ARHGEF10L: variants seen among roughly 807,000 people sequenced by gnomAD.
ARHGEF10L encodes Rho guanine nucleotide exchange factor 10 like.
In ARHGEF10L, 69 loss-of-function variants were observed where a neutral mutation model predicts 141.2. The ratio of observed to expected loss-of-function variants is 0.49; its 90% CI spans 0.40 to 0.60. The LOEUF (loss-of-function observed/expected upper bound fraction) is 0.60. Among genes scored for constraint, ARHGEF10L ranks in the 20% least tolerant of loss-of-function variants. The pLI is 0.00. For synonymous variants in ARHGEF10L, 711 were observed against 718.5 expected, an observed-to-expected ratio of 0.99 and a Z score of 0.17; for missense variants, 1,482 against 1,734.3, an observed-to-expected ratio of 0.85 and a Z score of 2.58.
At chr1:17,655,749 G>T in intron 23 of ARHGEF10L, 130 bp from the exon 24 acceptor site, 2 of 799,254 alleles carry the variant, frequency 2.5e-6, no homozygotes, top group Non-Finnish European at 2.0e-6. Context: ...TGTGAAGGCA[G>T]GATGTGTGTG....
At chr1:17,523,167 C>T in the ARHGEF10L span, among the ~76,000 whole-genome samples, 8 of 146,378 alleles carry the variant, frequency 5.5e-5, no homozygotes, top group South Asian at 1.5e-3. Context: ...CTCACTGCAA[C>T]GTCCACCTCC....
intron 1 of ARHGEF10L, among the ~76,000 whole-genome samples, chr1:17,560,333 C>A (rs1309817635): frequency 1.3e-5 from 2 of 152,182 alleles, no homozygotes; most frequent in Non-Finnish European, 2.9e-5. Context: ...ACACTTTCCC[C>A]ACCTGGATCT....
chr1:17,655,035 T>A (rs1396361684), intron 23 of ARHGEF10L, among the ~76,000 whole-genome samples: 1 of 151,922 alleles, frequency 6.6e-6, no homozygotes, highest in Non-Finnish European at 1.5e-5. Context: ...ACCCCTGGAG[T>A]CAGGAGGCAG....
intron 16 of ARHGEF10L, 55 bp downstream of exon 16, chr1:17,632,521 G>T (rs1034737899): frequency 1.2e-6 from 2 of 1,608,592 alleles, no homozygotes; most frequent in Non-Finnish European, 8.5e-7. Flanking sequence ...ACCCCATCCC[G>T]CCCTACTCCA....
intron 4 of ARHGEF10L, among the ~76,000 whole-genome samples, chr1:17,600,296 C>T (rs949717277): frequency 2.0e-5 from 3 of 152,170 alleles, no homozygotes; most frequent in African/African-American, 7.2e-5. Context: ...GCTACAGGCT[C>T]GGGTGCCAGG....
Position 17,558,176 on chromosome 1 carries a change from T to TCCATCCAC in ARHGEF10L, c.-44+18233_-44+18234insCCCATCCA, listed in dbSNP as rs1482384322. On this transcript the variant is annotated intron_variant, in intron 1 of 28. Transcript: ENST00000361221. The surrounding 1 kb of genome is among the most constrained non-coding windows in gnomAD (Gnocchi z 4.2). Reference sequence around the variant, plus strand: ...ATCCATCCATCCATCTATGCATCCATCCATCCATCCACCCATCCATCCATC... The same window carrying TCCATCCAC: ...ATCCATCCATCCATCTATGCATCCATCCATCCACCCATCCATCCACCCATCCATCCATC... Among the ~76,000 whole-genome samples the TCCATCCAC allele has an allele frequency of 2.0e-5, 3 of 151,892 alleles. No homozygotes were observed. The highest frequency in any genetic ancestry group is 6.6e-5 in the Admixed American group (1 of 15,232).
At position 17,554,163 on chromosome 1, in the gene ARHGEF10L, G is replaced by T. The variant is rs1281173821; in HGVS notation, c.-44+14213G>T. ...GGCCCTAGATGCAAAAATCCACCCA[G>T]TTCATCCGCCCTTGAGAAATGATGT... On this transcript the variant is annotated intron_variant, in intron 1 of 28. Coordinates refer to ENST00000361221, the MANE Select transcript of ARHGEF10L (RefSeq NM_018125.4). Among the ~76,000 whole-genome samples, 4 of 152,280 alleles carry T rather than the reference G, an allele frequency of 2.6e-5. 1 individual carries two copies. Among genetic ancestry groups the T allele is most frequent in the African/African-American group, 9.6e-5 (4 of 41,552 alleles).
intron 16 of ARHGEF10L, 59 bp downstream of exon 16, chr1:17,632,525 T>C: frequency 1.9e-6 from 3 of 1,606,472 alleles, no homozygotes; most frequent in Non-Finnish European, 2.6e-6. Context: ...CATCCCGCCC[T>C]ACTCCAGTCT....
chr1:17,672,033 G>C (rs958082684), intron 26 of ARHGEF10L, among the ~76,000 whole-genome samples: 18 of 152,130 alleles, frequency 1.2e-4, no homozygotes, highest in African/African-American at 4.3e-4. Context: ...TTCCTGAAGC[G>C]CGTGCGGTCA....
intron 1 of ARHGEF10L, among the ~76,000 whole-genome samples, chr1:17,541,792 A>AC (rs1557684166): frequency 6.6e-6 from 1 of 151,418 alleles, no homozygotes; most frequent in Non-Finnish European, 1.5e-5. Flanking sequence ...ACATGGTGAA[A>AC]CCCCATCTCT....
the ARHGEF10L span, among the ~76,000 whole-genome samples, chr1:17,531,722 A>G: frequency 6.6e-6 from 1 of 152,216 alleles, no homozygotes; most frequent in South Asian, 2.1e-4. Flanking sequence ...CTGGTCCAAA[A>G]AGCCAGTCTA....
chr1:17,513,568 A>G, the ARHGEF10L span, among the ~76,000 whole-genome samples: 1 of 152,340 alleles, frequency 6.6e-6, no homozygotes, highest in Non-Finnish European at 1.5e-5. Flanking sequence ...AAGTGGAAAC[A>G]AAATGCAGGT....
chr1:17,554,339 A>T (rs1476517792), intron 1 of ARHGEF10L, among the ~76,000 whole-genome samples: 3 of 152,080 alleles, frequency 2.0e-5, no homozygotes, highest in Non-Finnish European at 4.4e-5. Context: ...ATTTACAGAG[A>T]AGGGGACTTG....
chr1:17,685,739 C>T (rs1348627748), intron 26 of ARHGEF10L, among the ~76,000 whole-genome samples: 1 of 152,242 alleles, frequency 6.6e-6, no homozygotes, highest in Admixed American at 6.5e-5. Context: ...CCCTACTAGG[C>T]ACTGGGCCTG....
intron 21 of ARHGEF10L, among the ~76,000 whole-genome samples, chr1:17,647,965 G>A (rs1316522695): frequency 6.6e-6 from 1 of 152,128 alleles, no homozygotes; most frequent in Non-Finnish European, 1.5e-5. Context: ...GGCCCAGCTA[G>A]GGTGGGTGAA....
intron 15 of ARHGEF10L, among the ~76,000 whole-genome samples, chr1:17,628,829 A>G (rs1331163809): frequency 6.6e-6 from 1 of 152,128 alleles, no homozygotes; most frequent in Non-Finnish European, 1.5e-5. Flanking sequence ...ACTTTACAGT[A>G]TAGAATGCTG....
chr1:17,611,327 A>G (rs984707011), intron 7 of ARHGEF10L, among the ~76,000 whole-genome samples: 2 of 152,238 alleles, frequency 1.3e-5, no homozygotes, highest in Non-Finnish European at 2.9e-5. Flanking sequence ...CCTGTCCTGC[A>G]TGCATACTTC....
intron 9 of ARHGEF10L, chr1:17,618,556 C>T (rs2059935861): frequency 1.5e-6 from 2 of 1,324,484 alleles, no homozygotes; most frequent in Non-Finnish European, 2.0e-6. Flanking sequence ...TACCCCCTCC[C>T]ACCCTTGGGG....
intron 7 of ARHGEF10L, 106 bp downstream of exon 7, chr1:17,608,083 G>A (rs2081342229): frequency 1.0e-5 from 12 of 1,187,502 alleles, no homozygotes; most frequent in South Asian, 7.9e-5. Flanking sequence ...TAGGACTCAC[G>A]TCTGGGTCCC....
Sources: allele counts gnomAD v4.1 joint callset (sites outside exome capture counted in the v4.1 genomes callset), GRCh38; gene constraint gnomAD v4.1.1; non-coding constraint Gnocchi (gnomAD v3.1); transcripts MANE v1.5; gene names NCBI Gene and HGNC (gene_info 2026-07-23, HGNC 2026-07-21).